SLC22A23: variants seen among roughly 807,000 people sequenced by gnomAD.
SLC22A23 encodes the protein solute carrier family 22 member 23.
SLC22A23 carries 26 observed loss-of-function variants against 61.0 expected under a neutral mutation model. The ratio of observed to expected loss-of-function variants is 0.43; its 90% CI spans 0.31 to 0.59. The LOEUF (loss-of-function observed/expected upper bound fraction) is 0.59, where lower values mean the gene tolerates loss of function less well. Among genes scored for constraint, SLC22A23 ranks in the 20% least tolerant of loss-of-function variants. The pLI is 0.11. For synonymous variants in SLC22A23, 430 were observed against 413.9 expected (o/e 1.04, Z -0.47); for missense variants, 796 against 934.7 (o/e 0.85, Z 1.94).
chr6:3,389,804 C>T lies in SLC22A23; in HGVS notation c.913+20384G>A, dbSNP rs76911091. ...AAAGCAGGCATAAGGGGAAAGGGAG[C>T]TGGTACGTGCATTTCAGGCTGCTGC... On this transcript the variant is annotated intron_variant, in intron 3 of 9. Coordinates refer to ENST00000406686, the MANE Select transcript of SLC22A23 (RefSeq NM_015482.2). Among the ~76,000 whole-genome samples, 1,382 of 152,354 alleles carry T rather than the reference C, an allele frequency of 9.1e-3. 88 individuals are homozygous for T. The East Asian group carries it at 0.15, about 16-fold the overall frequency.
At chr6:3,383,809 C>T (rs1174721247) in intron 3 of SLC22A23, among the ~76,000 whole-genome samples, 1 of 152,266 alleles carries the variant, frequency 6.6e-6, no homozygotes, top group Non-Finnish European at 1.5e-5. Context: ...GCTGAGAGGG[C>T]CCCCTGAGGT....
intron 4 of SLC22A23, 170 bp downstream of exon 4, chr6:3,323,663 AC>A: frequency 1.3e-6 from 1 of 770,996 alleles, no homozygotes; most frequent in South Asian, 2.0e-5. Context: ...GTTTTCCAAG[AC>A]AGAAAGTTTA....
At chr6:3,344,462 C>T (rs1028054951) in intron 3 of SLC22A23, among the ~76,000 whole-genome samples, 2 of 152,154 alleles carry the variant, frequency 1.3e-5, no homozygotes, top group African/African-American at 4.8e-5. Context: ...GTCTAAAGGG[C>T]TGTATTGAAA....
At chr6:3,388,162 A>G (rs1767430779) in intron 3 of SLC22A23, among the ~76,000 whole-genome samples, 1 of 152,236 alleles carries the variant, frequency 6.6e-6, no homozygotes, top group African/African-American at 2.4e-5. Flanking sequence ...TTCATTCAAC[A>G]AAGAACGAAG....
intron 1 of SLC22A23, among the ~76,000 whole-genome samples, chr6:3,417,671 C>T (rs937226962): frequency 1.1e-4 from 16 of 152,184 alleles, no homozygotes; most frequent in Admixed American, 7.9e-4. Context: ...CAGTGTGGTT[C>T]GGCAAACCTG....
At position 3,380,188 on chromosome 6, in the gene SLC22A23, A is replaced by C. The variant is rs1766868846; in HGVS notation, c.913+30000T>G. Among the ~76,000 whole-genome samples the C allele has an allele frequency of 2.0e-5, 3 of 152,228 alleles. No homozygotes were observed. The South Asian group carries it at 6.2e-4, about 32-fold the overall frequency. On this transcript the variant is annotated intron_variant, in intron 3 of 9. Transcript: ENST00000406686. ...TCCATAGGGGTGAGTGGCTTACCCA[A>C]ACTCAACAAGGTGAGCAGGCTTTAG...
chr6:3,277,144 T>G (rs1758985891), intron 9 of SLC22A23, among the ~76,000 whole-genome samples: 1 of 152,146 alleles, frequency 6.6e-6, no homozygotes, highest in Non-Finnish European at 1.5e-5. Flanking sequence ...AGGGGGCAGC[T>G]GGGTGTAGGA....
At chr6:3,423,739 C>A (rs1770298613) in intron 1 of SLC22A23, among the ~76,000 whole-genome samples, 1 of 152,248 alleles carries the variant, frequency 6.6e-6, no homozygotes, top group South Asian at 2.1e-4. Flanking sequence ...AGACTGTTAA[C>A]TTGAGAAATT....
At chr6:3,367,989 C>G (rs564469719) in intron 3 of SLC22A23, among the ~76,000 whole-genome samples, 3 of 152,264 alleles carry the variant, frequency 2.0e-5, no homozygotes, top group East Asian at 3.9e-4. Flanking sequence ...TCTTCACCAG[C>G]GGACCGAGAG....
chr6:3,286,804 T>TG lies in SLC22A23; in HGVS notation c.1546+54dup. 2 of 1,447,430 alleles carry TG rather than the reference T, an allele frequency of 1.4e-6. No homozygotes were observed. Among genetic ancestry groups the TG allele is most frequent in the Middle Eastern group, 3.5e-4 (2 of 5,762 alleles). The allele number at this position is 1,447,430 out of a possible 1,614,324, so 89.7% of individuals were successfully genotyped here. ...CTTATGCAGCCCTTTCAAATGCCCT[T>TG]GGGGATCTGCCAGCTTCCCTCCCTG... On this transcript the variant is annotated intron_variant, in intron 7 of 9. Transcript: ENST00000406686. This position sits in a 1 kb window ranked among gnomAD's most constrained non-coding sequence, Gnocchi z 4.2.
At chr6:3,289,956 G>A (rs767667014) in intron 5 of SLC22A23, 90 bp from the exon 6 acceptor site, 23 of 979,062 alleles carry the variant, frequency 2.3e-5, no homozygotes, top group South Asian at 1.2e-4. Flanking sequence ...TCCCCAGTTC[G>A]GGTACCACAG....
chr6:3,400,169 C>T (rs1024536005), intron 3 of SLC22A23, among the ~76,000 whole-genome samples: 4 of 152,194 alleles, frequency 2.6e-5, no homozygotes, highest in East Asian at 1.9e-4. Context: ...TGAGCCACCG[C>T]GCCCCGCCCA....
chr6:3,311,597 G>A (rs1034640043), intron 4 of SLC22A23: 1 of 152,190 alleles, frequency 6.6e-6, no homozygotes, highest in Non-Finnish European at 1.5e-5. Context: ...ACTGTAGAGA[G>A]ATGGGATGAG....
chr6:3,362,433 A>AAAAAAAAAAAAAC, intron 3 of SLC22A23, among the ~76,000 whole-genome samples: 1 of 132,388 alleles, frequency 7.6e-6, no homozygotes, highest in Middle Eastern at 3.5e-3. Flanking sequence ...AAAAAATAAA[A>AAAAAAAAAAAAAC]AATAAAAATT....
chr6:3,283,794 G>A, intron 9 of SLC22A23, 58 bp downstream of exon 9: 1 of 1,607,054 alleles, frequency 6.2e-7, no homozygotes, highest in Non-Finnish European at 8.5e-7. Context: ...CTGGAGCCAG[G>A]GACTCGTCTT....
In SLC22A23 at chr6:3,456,635, C is replaced by G. The variant is rs1772424287; in HGVS notation, c.-76G>C. 1.1e-6 allele frequency: 1 copy of G among 917,486 alleles called. No homozygotes were observed. Among genetic ancestry groups the G allele is most frequent in the Non-Finnish European group, 1.3e-6 (1 of 770,990 alleles). The allele number at this position is 917,486 out of a possible 1,614,324, so 56.8% of individuals were successfully genotyped here. A position where few individuals can be genotyped will look rare whatever the true frequency, so the allele number is the denominator to read the frequency against. ...CGCGGGCGCCCCGGGCACAGCGCGCCGGGCCAGGCGCCTGCAGCCGCTGCC... is the reference window on the plus strand; with the variant it reads ...CGCGGGCGCCCCGGGCACAGCGCGCGGGGCCAGGCGCCTGCAGCCGCTGCC... On this transcript the variant is annotated 5_prime_UTR_variant, in exon 1 of 10. Transcript: ENST00000406686. The surrounding 1 kb of genome is among the most constrained non-coding windows in gnomAD (Gnocchi z 7.1).
chr6:3,286,725 G>A lies in SLC22A23; in HGVS notation c.1546+134C>T. ...CACAGATGCTCTCAACTGAAGCTCT[G>A]TTCTCCCCAAAGCAGCTCCTTCCAG... On this transcript the variant is annotated intron_variant, in intron 7 of 9. Coordinates refer to ENST00000406686, the MANE Select transcript of SLC22A23 (RefSeq NM_015482.2). This position sits in a 1 kb window ranked among gnomAD's most constrained non-coding sequence, Gnocchi z 4.2. 1 of 813,696 alleles carries A rather than the reference G, an allele frequency of 1.2e-6. No homozygotes were observed. Among genetic ancestry groups the A allele is most frequent in the Non-Finnish European group, 1.9e-6 (1 of 517,330 alleles). The allele number at this position is 813,696 out of a possible 1,614,324, so 50.4% of individuals were successfully genotyped here. A position where few individuals can be genotyped will look rare whatever the true frequency, so the allele number is the denominator to read the frequency against.
intron 1 of SLC22A23, among the ~76,000 whole-genome samples, chr6:3,451,968 C>G (rs1390975487): frequency 6.6e-6 from 1 of 152,126 alleles, no homozygotes; most frequent in Non-Finnish European, 1.5e-5. Context: ...AAGTACACAA[C>G]CATTCTCTTT....
rs1382797097 is a variant in SLC22A23 at position 3,304,515 on chromosome 6, C to T, written c.1083-6297G>A. 6.7e-6 allele frequency among the ~76,000 whole-genome samples: 1 copy of T among 150,122 alleles called. No homozygotes were observed. The highest frequency in any genetic ancestry group is 2.4e-5 in the African/African-American group (1 of 41,260). ...GGGAGCCCAAGCTTTCGATGGGTCT[C>T]CAAATTGTTTTTTTCTAATACATAC... On this transcript the variant is annotated intron_variant, in intron 4 of 9. Transcript: ENST00000406686. The surrounding 1 kb of genome is among the most constrained non-coding windows in gnomAD (Gnocchi z 4.3).
Sources: gnomAD v4.1 joint callset for allele counts (sites outside exome capture counted in the v4.1 genomes callset) on GRCh38, gnomAD v4.1.1 for gene constraint, Gnocchi (gnomAD v3.1) non-coding constraint, MANE v1.5 for transcripts, NCBI Gene and HGNC (gene_info 2026-07-23, HGNC 2026-07-21) for gene names.